The following IGFN1 variants were observed in gnomAD, a reference collection of about 807,000 sequenced individuals.
IGFN1 encodes immunoglobulin like and fibronectin type III domain containing 1.
A neutral mutation model predicts 289.5 loss-of-function variants in IGFN1; 253 were observed. The ratio of observed to expected loss-of-function variants is 0.87; its 90% confidence interval spans 0.79 to 0.97. IGFN1 has a LOEUF of 0.97. Among genes scored for constraint, IGFN1 ranks in the 50% least tolerant of loss-of-function variants. The probability of loss-of-function intolerance (pLI) is 0.00; values close to 1 mark genes in which losing one functional copy is unlikely to be tolerated. For missense variants in IGFN1, 4,470 were observed against 4,686.1 expected, an observed-to-expected ratio of 0.95 and a Z score of 1.35; for synonymous variants, 1,706 against 1,788.5, an observed-to-expected ratio of 0.95 and a Z score of 1.16.
At position 201,205,943 on chromosome 1, in the gene IGFN1, T is replaced by C. The variant is rs907450413; in HGVS notation, c.1190-140T>C. The C allele has an allele frequency of 4.3e-5, 28 of 655,382 alleles. No individual in the cohort carries two copies. In the East Asian group the frequency reaches 7.7e-4, roughly 18 times the overall value. The allele number at this position is 655,382 out of a possible 1,614,324, so 40.6% of individuals were successfully genotyped here. A position where few individuals can be genotyped will look rare whatever the true frequency, so the allele number is the denominator to read the frequency against. On this transcript the variant is annotated intron_variant, in intron 11 of 23. Transcript: ENST00000335211. ...CTTCCTTCCCAGGTGGTCACCTTGC[T>C]TCTCTCCTGGGGAAGTCCAGGTCAG...
chr1:201,207,746 G>A lies in IGFN1; in HGVS notation c.2853G>A (p.Met951Ile), dbSNP rs1378234063. 1.3e-6 allele frequency: 2 copies of A among 1,536,874 alleles called. No homozygotes were observed. The highest frequency in any genetic ancestry group is 1.7e-6 in the Non-Finnish European group (2 of 1,146,844). Reference protein sequence around the residue: ...YKDGLEGPGRMESRYEGGLGY... With the variant: ...YKDGLEGPGRIESRYEGGLGY... ...ATGGCTTGGAAGGTCCCGGGAGAAT[G>A]GAATCTAGGTACGAGGGTGGCTTAG... The change falls in exon 12 of 24, where the codon ATG becomes ATA. Residue 951 changes from methionine to isoleucine, a missense_variant. Coordinates refer to ENST00000335211, the MANE Select transcript of IGFN1 (RefSeq NM_001164586.2).
At chr1:201,200,804 G>A (rs981672448) in intron 8 of IGFN1, among the ~76,000 whole-genome samples, 1 of 151,366 alleles carries the variant, frequency 6.6e-6, no homozygotes, top group African/African-American at 2.4e-5. Context: ...ACCAGATTGC[G>A]GGGGGGAGGT....
chr1:201,202,518 C>T (rs1438224898), intron 9 of IGFN1, among the ~76,000 whole-genome samples: 1 of 152,018 alleles, frequency 6.6e-6, no homozygotes, highest in African/African-American at 2.4e-5. Context: ...CAGGTGTTCC[C>T]TCTGCTTGGC....
chr1:201,217,236 G>A, intron 16 of IGFN1, 51 bp from the exon 17 acceptor site: 2 of 1,567,078 alleles, frequency 1.3e-6, no homozygotes, highest in Non-Finnish European at 1.7e-6. Context: ...CTCCCCATGA[G>A]CCGGCACCTT....
intron 18 of IGFN1, among the ~76,000 whole-genome samples, chr1:201,219,042 A>AAAAAG (rs1230772819): frequency 7.0e-5 from 9 of 129,268 alleles, no homozygotes; most frequent in African/African-American, 1.8e-4. Flanking sequence ...TGTTACAAAA[A>AAAAAG]AAAAGAAAAG....
At chr1:201,195,358 G>A (rs1027990706) in intron 3 of IGFN1, among the ~76,000 whole-genome samples, 18 of 152,140 alleles carry the variant, frequency 1.2e-4, no homozygotes, top group Admixed American at 1.0e-3. Context: ...CACCATGTTG[G>A]CCAGGCTGGT....
chr1:201,215,785 C>A lies in IGFN1; in HGVS notation c.9242C>A (p.Thr3081Lys). 11 of 1,599,588 alleles carry A rather than the reference C, an allele frequency of 6.9e-6. No individual in the cohort carries two copies. Among genetic ancestry groups the A allele is most frequent in the Non-Finnish European group, 8.5e-6 (10 of 1,171,622 alleles). Reference protein sequence around the residue: ...GRKDCGQYSVTLRSEGGSVQA... With the variant: ...GRKDCGQYSVKLRSEGGSVQA... ...AAGGACTGTGGCCAGTACAGCGTGA[C>A]ACTGAGGAGTGAGGGAGGCTCTGTG... The change falls in exon 15 of 24, where the codon ACA (threonine) becomes AAA (lysine). Residue 3081 changes from threonine to lysine, a missense_variant. Physicochemically the swap from Thr to Lys is moderately conservative, Grantham distance 78. This residue lies in a region of IGFN1 where 2,218 missense variants were observed against 2,114.1 expected (regional missense o/e 1.05). Transcript: ENST00000335211.
intron 22 of IGFN1, among the ~76,000 whole-genome samples, 166 bp downstream of exon 22, chr1:201,226,289 C>T (rs1378632635): frequency 6.6e-6 from 1 of 150,984 alleles, no homozygotes; most frequent in Non-Finnish European, 1.5e-5. Context: ...TCCTCCCGCT[C>T]CTGCCTCACA....
intron 23 of IGFN1, 25 bp downstream of exon 23, chr1:201,227,233 G>C: frequency 6.5e-7 from 1 of 1,527,572 alleles, no homozygotes; most frequent in Non-Finnish European, 8.8e-7. Context: ...CCTGGCAGTG[G>C]GGCAGGAAGG....
At chr1:201,220,011 T>A (rs1269809225) in intron 18 of IGFN1, among the ~76,000 whole-genome samples, 1 of 151,698 alleles carries the variant, frequency 6.6e-6, no homozygotes, top group Admixed American at 6.6e-5. Context: ...TCTTTCTCTC[T>A]CTCTCTCCCC....
intron 16 of IGFN1, 38 bp from the exon 17 acceptor site, chr1:201,217,249 C>T (rs1429756390): frequency 1.2e-6 from 2 of 1,600,534 alleles, no homozygotes; most frequent in African/African-American, 2.7e-5. Flanking sequence ...GGCACCTTTC[C>T]CAGGCCTCTG....
Position 201,206,607 on chromosome 1 carries a change from G to C in IGFN1, c.1714G>C (p.Gly572Arg). The C allele has an allele frequency of 1.3e-6, 2 of 1,544,726 alleles. No individual in the cohort carries two copies. The highest frequency in any genetic ancestry group is 8.7e-7 in the Non-Finnish European group (1 of 1,146,944). The change falls in exon 12 of 24, where the codon GGG (glycine) becomes CGG (arginine). Residue 572 changes from glycine (G) to arginine (R), a missense_variant. This residue lies in a region of IGFN1 where 2,011 missense variants were observed against 1,953.4 expected (regional missense o/e 1.03). Coordinates refer to ENST00000335211, the MANE Select transcript of IGFN1 (RefSeq NM_001164586.2). ...GSSRLQAGGL[G>R]SSREGKEHRG... is the part of the protein sequence containing the mutation. ...CAGTCGGCTTCAGGCTGGAGGACTG[G>C]GGAGCAGCAGGGAAGGAAAGGAGCA...
At chr1:201,217,179 G>T (rs1390059628) in intron 16 of IGFN1, 108 bp from the exon 17 acceptor site, 3 of 947,950 alleles carry the variant, frequency 3.2e-6, no homozygotes, top group Admixed American at 4.1e-5. Flanking sequence ...CCAGGACAGG[G>T]CGGAGTGTGG....
In IGFN1 at chr1:201,206,980, G is replaced by A. The variant is rs12094334; in HGVS notation, c.2087G>A (p.Gly696Asp). 514,635 of 1,535,586 alleles carry A rather than the reference G, an allele frequency of 0.34. 87,491 individuals carry two copies. Among genetic ancestry groups the A allele is most frequent in the South Asian group, 0.37 (31,427 of 83,920 alleles). The change falls in exon 12 of 24, where the codon GGT (glycine) becomes GAT (aspartate). Residue 696 changes from glycine (G) to aspartate (D), a missense_variant. By Grantham distance (94) the Gly-to-Asp change is moderately conservative. This residue lies in a region of IGFN1 where 2,011 missense variants were observed against 1,953.4 expected (regional missense o/e 1.03). Coordinates refer to ENST00000335211, the MANE Select transcript of IGFN1 (RefSeq NM_001164586.2). ...GTGGGCATGGCCCCTGAATCCTGGG[G>A]TTCTCAGGGAGGTAGAGATGCTGAC... ...SKVGMAPESW[G>D]SQGGRDADYG... is the part of the protein sequence containing the mutation.
chr1:201,228,573 A>T lies in IGFN1; in HGVS notation c.*174A>T. ...GAGGACGTGAAGTCCTTGGGGAAGAAAAACAAGGGAGGAGGGCATTCCACC... is the reference window on the plus strand; with the variant it reads ...GAGGACGTGAAGTCCTTGGGGAAGATAAACAAGGGAGGAGGGCATTCCACC... On this transcript the variant is annotated 3_prime_UTR_variant, in exon 24 of 24. Coordinates refer to ENST00000335211, the MANE Select transcript of IGFN1 (RefSeq NM_001164586.2). The T allele has an allele frequency of 1.5e-6, 1 of 685,042 alleles. No homozygotes were observed. The highest frequency in any genetic ancestry group is 2.6e-6 in the Non-Finnish European group (1 of 382,450). The allele number at this position is 685,042 out of a possible 1,614,324, so 42.4% of individuals were successfully genotyped here. A position where few individuals can be genotyped will look rare whatever the true frequency, so the allele number is the denominator to read the frequency against.
intron 22 of IGFN1, among the ~76,000 whole-genome samples, 155 bp from the exon 23 acceptor site, chr1:201,226,727 G>C (rs1489283722): frequency 6.6e-6 from 1 of 152,176 alleles, no homozygotes; most frequent in Non-Finnish European, 1.5e-5. Flanking sequence ...ATAGAATGAG[G>C]CAAGCCTTGG....
At position 201,221,693 on chromosome 1, in the gene IGFN1, G is replaced by T. The variant is rs776741895; in HGVS notation, c.10148G>T (p.Gly3383Val). The change falls in exon 19 of 24, where the codon GGC becomes GTC. Residue 3383 changes from glycine to valine, a missense_variant. Physicochemically the swap from Gly to Val is moderately radical, Grantham distance 109 (BLOSUM62 -3). This residue lies in a region of IGFN1 where 2,218 missense variants were observed against 2,114.1 expected (regional missense o/e 1.05). Transcript: ENST00000335211. ...FVRVTAVNEG[G>V]QSQPSALDTL... ...CGGGTGACAGCAGTTAATGAAGGAG[G>T]CCAGAGCCAGCCCAGTGCCCTGGAC... The T allele has an allele frequency of 1.2e-6, 2 of 1,613,124 alleles. No homozygotes were observed. The highest frequency in any genetic ancestry group is 2.2e-5 in the South Asian group (2 of 90,870).
At position 201,217,452 on chromosome 1, in the gene IGFN1, C is replaced by T. The variant is rs200237205; in HGVS notation, c.9761C>T (p.Pro3254Leu). 79 of 1,613,974 alleles carry T rather than the reference C, an allele frequency of 4.9e-5. No individual in the cohort carries two copies. Among genetic ancestry groups the T allele is most frequent in the Admixed American group, 8.3e-5 (5 of 60,010 alleles). Residue 3254 changes from proline (P) to leucine (L), a missense_variant, in exon 17 of 24, where the codon CCG becomes CTG. Coordinates refer to ENST00000335211, the MANE Select transcript of IGFN1 (RefSeq NM_001164586.2). ...SNTWTAVNDQPVPERRWTVAD... is the reference protein window; with the variant it reads ...SNTWTAVNDQLVPERRWTVAD... ...ACCTGGACGGCAGTGAACGACCAGC[C>T]GGTGCCTGGTGAGCATTGTCCTGGC...
intron 8 of IGFN1, among the ~76,000 whole-genome samples, chr1:201,200,815 A>T: frequency 6.8e-6 from 1 of 146,322 alleles, no homozygotes. Context: ...GGGGGGAGGT[A>T]CCTGGTTTAT....
Sources: allele counts gnomAD v4.1 joint callset (sites outside exome capture counted in the v4.1 genomes callset), GRCh38; gene constraint gnomAD v4.1.1; regional missense constraint gnomAD v4.1.1; transcripts MANE v1.5; gene names NCBI Gene and HGNC (gene_info 2026-07-23, HGNC 2026-07-21).